Variants in PTBP2 observed in about 807,000 individuals in gnomAD.
PTBP2 encodes polypyrimidine tract binding protein 2.
A neutral mutation model predicts 61.4 loss-of-function variants in PTBP2; 13 were observed. The observed-to-expected ratio is 0.21, with a 90% confidence interval of 0.14 to 0.34. The LOEUF (loss-of-function observed/expected upper bound fraction) is 0.34. Ranked by LOEUF, PTBP2 falls within the 10% of genes least tolerant of loss-of-function variation. PTBP2 has a pLI of 1.00. For missense variants in PTBP2, 405 were observed against 642.6 expected, an observed-to-expected ratio of 0.63 and a Z score of 4.00; for synonymous variants, 215 against 218.5, an observed-to-expected ratio of 0.98 and a Z score of 0.14.
rs1310065345 is a variant in PTBP2 at position 96,806,962 on chromosome 1, A to C, written c.1171+4A>C. The C allele has an allele frequency of 6.3e-7, 1 of 1,592,240 alleles. No homozygotes were observed. The highest frequency in any genetic ancestry group is 8.6e-7 in the Non-Finnish European group (1 of 1,166,160). ...GATGGAAACCAATCACAACTTGGTA[A>C]GATTAAACTATGTTTTATCTATACA... On this transcript the variant is annotated splice_donor_region_variant and intron_variant, in intron 11 of 13. Transcript: ENST00000674951.
chr1:96,779,295 AT>A, intron 7 of PTBP2, among the ~76,000 whole-genome samples: 1 of 152,104 alleles, frequency 6.6e-6, no homozygotes, highest in Non-Finnish European at 1.5e-5. Context: ...TTTCTGTGAC[AT>A]TTTTCACAAC....
chr1:96,765,356 A>G (rs943660308), intron 3 of PTBP2, among the ~76,000 whole-genome samples: 12 of 152,196 alleles, frequency 7.9e-5, no homozygotes, highest in African/African-American at 2.9e-4. Context: ...GTCGTATTTT[A>G]TATTTGTACA....
chr1:96,762,499 C>CCCCCCACCTCCCT (rs1656060540), intron 3 of PTBP2, among the ~76,000 whole-genome samples: 1 of 96,586 alleles, frequency 1.0e-5, no homozygotes, highest in Non-Finnish European at 2.1e-5. Flanking sequence ...GGGGGCTGAC[C>CCCCCCACCTCCCT]CCCGCCACCT....
At chr1:96,803,806 G>C (rs1442986455) in intron 8 of PTBP2, among the ~76,000 whole-genome samples, 1 of 152,114 alleles carries the variant, frequency 6.6e-6, no homozygotes, top group African/African-American at 2.4e-5. Flanking sequence ...TTCTACCCAG[G>C]TATGTTATGA....
intron 3 of PTBP2, among the ~76,000 whole-genome samples, chr1:96,761,135 A>T (rs146486766): frequency 6.6e-6 from 1 of 152,294 alleles, no homozygotes; most frequent in Non-Finnish European, 1.5e-5. Flanking sequence ...TTGGAGATTA[A>T]CAGAAAGGGA....
intron 8 of PTBP2, among the ~76,000 whole-genome samples, chr1:96,798,478 A>ATT (rs1363597455): frequency 6.6e-6 from 1 of 152,212 alleles, no homozygotes; most frequent in East Asian, 1.9e-4. Flanking sequence ...AGTACACAAG[A>ATT]CTAATAACTA....
At chr1:96,770,663 T>C in intron 4 of PTBP2, 45 bp from the exon 5 acceptor site, 1 of 1,483,516 alleles carries the variant, frequency 6.7e-7, no homozygotes, top group South Asian at 1.2e-5. Flanking sequence ...ATATTAATTT[T>C]ATTTGAATTT....
At chr1:96,790,241 G>T (rs1659642891) in intron 8 of PTBP2, among the ~76,000 whole-genome samples, 1 of 150,350 alleles carries the variant, frequency 6.7e-6, no homozygotes, top group South Asian at 2.1e-4. Context: ...CTTAAAGTTA[G>T]TTCCAAAGGC....
chr1:96,799,294 C>CTTTTTTTTTTTTTTT lies in PTBP2; in HGVS notation c.905-5501_905-5487dup, dbSNP rs373815292. Among the ~76,000 whole-genome samples, 74 of 92,158 alleles carry CTTTTTTTTTTTTTTT rather than the reference C, an allele frequency of 8.0e-4. 2 individuals carry two copies. Among genetic ancestry groups the CTTTTTTTTTTTTTTT allele is most frequent in the African/African-American group, 1.6e-3 (33 of 20,650 alleles). The allele number at this position is 92,158 out of a possible 152,430, so 60.5% of individuals were successfully genotyped here. ...ATAGCAATCCTCAGAATAGATCAAG[C>CTTTTTTTTTTTTTTT]TTTTTTTTTTTTTTTTTTTGAGATG... On this transcript the variant is annotated intron_variant, in intron 8 of 13. Coordinates refer to ENST00000674951, the MANE Select transcript of PTBP2 (RefSeq NM_021190.4).
chr1:96,724,041 TAAA>T (rs926955563), intron 2 of PTBP2, among the ~76,000 whole-genome samples: 3 of 152,204 alleles, frequency 2.0e-5, no homozygotes, highest in African/African-American at 7.2e-5. Context: ...CACTGATCCT[TAAA>T]AAGGAAGTTG....
chr1:96,769,497 T>C (rs776649791), intron 3 of PTBP2, among the ~76,000 whole-genome samples: 1 of 152,066 alleles, frequency 6.6e-6, no homozygotes, highest in South Asian at 2.1e-4. Flanking sequence ...CAATCTTAAA[T>C]AGTTGATAAT....
exon 14 of PTBP2, chr1:96,822,079 A>G (rs780137362): frequency 5.3e-5 from 8 of 152,144 alleles, no homozygotes; most frequent in Non-Finnish European, 1.2e-4. Flanking sequence ...GAAAAACCAC[A>G]ATTACTTTTG....
At chr1:96,778,162 T>C (rs1658244203) in intron 7 of PTBP2, among the ~76,000 whole-genome samples, 2 of 148,972 alleles carry the variant, frequency 1.3e-5, no homozygotes, top group Admixed American at 6.7e-5. Context: ...GTTTCTATTA[T>C]TTTACTTTTT....
intron 5 of PTBP2, among the ~76,000 whole-genome samples, chr1:96,772,249 T>G (rs1657464262): frequency 6.6e-6 from 1 of 152,130 alleles, no homozygotes; most frequent in Non-Finnish European, 1.5e-5. Context: ...TTACTGAGAT[T>G]TACTAGTTTA....
chr1:96,816,562 CAATG>C (rs1299488357), downstream of PTBP2: 1 of 151,988 alleles, frequency 6.6e-6, no homozygotes. Flanking sequence ...CATTTGAAAG[CAATG>C]AAGAAAATTT....
intron 10 of PTBP2, 39 bp from the exon 11 acceptor site, chr1:96,806,827 A>G (rs1661536811): frequency 6.7e-7 from 1 of 1,487,920 alleles, no homozygotes; most frequent in South Asian, 1.2e-5. Context: ...CATAAAATTA[A>G]TTCCATTTTT....
At chr1:96,762,673 G>A (rs914884518) in intron 3 of PTBP2, among the ~76,000 whole-genome samples, 3 of 142,890 alleles carry the variant, frequency 2.1e-5, no homozygotes, top group African/African-American at 8.4e-5. Context: ...GCGGGGGTCT[G>A]ACCCCCCCAC....
downstream of PTBP2, chr1:96,815,177 A>G (rs780502161): frequency 1.5e-5 from 2 of 133,096 alleles, no homozygotes; most frequent in Non-Finnish European, 3.1e-5. Context: ...TGTTAATTCT[A>G]TCTCTTTTGT....
chr1:96,729,566 G>T (rs2100799125), intron 2 of PTBP2, among the ~76,000 whole-genome samples: 1 of 152,158 alleles, frequency 6.6e-6, no homozygotes, highest in South Asian at 2.1e-4. Context: ...TGTTTGTTTT[G>T]TCGGGAGGTT....
Sources: allele counts gnomAD v4.1 joint callset (sites outside exome capture counted in the v4.1 genomes callset), GRCh38; gene constraint gnomAD v4.1.1; transcripts MANE v1.5; gene names NCBI Gene and HGNC (gene_info 2026-07-23, HGNC 2026-07-21).